SLC12A6: variants seen among roughly 807,000 people sequenced by gnomAD.
SLC12A6 encodes the protein K-Cl cotransporter 3.
Under a neutral mutation model 135.3 loss-of-function variants are expected in SLC12A6, and 66 were observed. That is an observed-to-expected ratio of 0.49 (90% confidence interval 0.40 to 0.60). The LOEUF is 0.60. Ranked by LOEUF, SLC12A6 falls within the 20% of genes least tolerant of loss-of-function variation. The probability of loss-of-function intolerance (pLI) is 0.00; values close to 1 mark genes in which losing one functional copy is unlikely to be tolerated. For synonymous variants in SLC12A6, 513 were observed against 508.8 expected, an observed-to-expected ratio of 1.01 and a Z score of -0.11; for missense variants, 1,058 against 1,452.3, an observed-to-expected ratio of 0.73 and a Z score of 4.41.
intron 16 of SLC12A6, 71 bp downstream of exon 16, chr15:34,243,903 C>G (rs1891813306): frequency 1.1e-6 from 1 of 931,766 alleles, no homozygotes; most frequent in Non-Finnish European, 1.8e-6. Context: ...AACCCAGACT[C>G]TCCTAGTTTT....
At chr15:34,327,328 A>G (rs1340136412) in intron 2 of SLC12A6, among the ~76,000 whole-genome samples, 3 of 152,186 alleles carry the variant, frequency 2.0e-5, no homozygotes, top group Admixed American at 2.0e-4. Context: ...TTTGCATCTT[A>G]GGATGTAAAT....
At position 34,336,698 on chromosome 15, in the gene SLC12A6, C is replaced by A; in HGVS notation, c.-18G>T. On this transcript the variant is annotated 5_prime_UTR_variant, in exon 2 of 26. Coordinates refer to ENST00000354181, the MANE Select transcript of SLC12A6 (RefSeq NM_001365088.1). ...GGATGCATTTTGTTCTTTTTAAGAA[C>A]AAAAAAAGTGGGGGGAACCTCGCAA... The A allele has an allele frequency of 6.2e-7, 1 of 1,612,762 alleles. No individual in the cohort carries two copies. Among genetic ancestry groups the A allele is most frequent in the Non-Finnish European group, 8.5e-7 (1 of 1,178,918 alleles).
At chr15:34,273,439 A>G (rs772797165) in intron 3 of SLC12A6, among the ~76,000 whole-genome samples, 8 of 152,232 alleles carry the variant, frequency 5.3e-5, no homozygotes, top group Non-Finnish European at 8.8e-5. Flanking sequence ...ATGTCAAACC[A>G]TTTACTTAAC....
intron 2 of SLC12A6, among the ~76,000 whole-genome samples, chr15:34,330,140 G>C (rs1889739662): frequency 6.6e-6 from 1 of 152,004 alleles, no homozygotes; most frequent in South Asian, 2.1e-4. Context: ...ATGCACATCA[G>C]AATCCAAACC....
At chr15:34,284,229 G>A (rs1193041847) in intron 2 of SLC12A6, among the ~76,000 whole-genome samples, 9 of 151,628 alleles carry the variant, frequency 5.9e-5, no homozygotes, top group African/African-American at 2.2e-4. Flanking sequence ...GAGAGCTCAC[G>A]GGCTAGTCTT....
intron 3 of SLC12A6, among the ~76,000 whole-genome samples, chr15:34,261,273 G>A (rs765939449): frequency 2.6e-5 from 4 of 151,982 alleles, no homozygotes; most frequent in African/African-American, 7.2e-5. Context: ...CCCTAGAGAC[G>A]CTATTCTTTT....
chr15:34,331,160 T>C (rs1889818722), intron 2 of SLC12A6, among the ~76,000 whole-genome samples: 1 of 152,230 alleles, frequency 6.6e-6, no homozygotes, highest in African/African-American at 2.4e-5. Context: ...TGTTAGGTTT[T>C]GTTTGTCAGG....
intron 2 of SLC12A6, among the ~76,000 whole-genome samples, chr15:34,321,550 T>G (rs956478083): frequency 5.3e-5 from 8 of 152,204 alleles, no homozygotes; most frequent in African/African-American, 1.9e-4. Flanking sequence ...GGGGTATAAA[T>G]TAGTACAACC....
At chr15:34,329,033 C>T (rs1323278663) in intron 2 of SLC12A6, among the ~76,000 whole-genome samples, 1 of 152,194 alleles carries the variant, frequency 6.6e-6, no homozygotes, top group African/African-American at 2.4e-5. Context: ...CATTCAAATG[C>T]TCACATAATT....
rs1223657350 is a variant in SLC12A6 at position 34,245,700 on chromosome 15, A to C, written c.1817T>G (p.Phe606Cys). The C allele has an allele frequency of 1.2e-6, 2 of 1,613,176 alleles. No individual in the cohort carries two copies. Among genetic ancestry groups the C allele is most frequent in the Admixed American group, 3.3e-5 (2 of 59,990 alleles). The change falls in exon 14 of 26, where the codon TTT (phenylalanine) becomes TGT (cysteine). Residue 606 changes from phenylalanine to cysteine, a missense_variant. Transcript: ENST00000354181. ...QAIAKDNIIP[F>C]LRVFGHSKAN... Reference sequence around the variant, plus strand: ...TAATAAAAGGTCACTCACCCTCAGAAACGGTATGATGTTATCCTTGGCAAT... The same window carrying C: ...TAATAAAAGGTCACTCACCCTCAGACACGGTATGATGTTATCCTTGGCAAT...
At position 34,240,689 on chromosome 15, in the gene SLC12A6, T is replaced by G; in HGVS notation, c.2408A>C (p.Asn803Thr). The G allele has an allele frequency of 6.2e-7, 1 of 1,614,066 alleles. No homozygotes were observed. The highest frequency in any genetic ancestry group is 8.5e-7 in the Non-Finnish European group (1 of 1,179,942). Residue 803 changes from asparagine to threonine, a missense_variant, in exon 19 of 26, where the codon AAC becomes ACC. This residue lies in a region of SLC12A6 where 31 missense variants were observed against 24.3 expected (regional missense o/e 1.28). Coordinates refer to ENST00000354181, the MANE Select transcript of SLC12A6 (RefSeq NM_001365088.1). Reference sequence around the variant, plus strand: ...CTCAGCAGCTAAAGCTTCACCGTAGTTCTCTAGGAAGTTCCCCACGATGAC... The same window carrying G: ...CTCAGCAGCTAAAGCTTCACCGTAGGTCTCTAGGAAGTTCCCCACGATGAC... ...GSVIVGNFLE[N>T]YGEALAAEQT... is the part of the protein sequence containing the mutation.
At chr15:34,297,130 CT>C (rs1325173806) in intron 2 of SLC12A6, among the ~76,000 whole-genome samples, 2 of 152,176 alleles carry the variant, frequency 1.3e-5, no homozygotes, top group Non-Finnish European at 2.9e-5. Context: ...GCTAGAATAT[CT>C]TTAAAATCTC....
intron 2 of SLC12A6, among the ~76,000 whole-genome samples, chr15:34,301,032 G>T (rs1367179609): frequency 4.6e-5 from 7 of 151,996 alleles, no homozygotes; most frequent in African/African-American, 9.7e-5. Flanking sequence ...GCAATGGCGC[G>T]ATCTCGGCTC....
In SLC12A6 at chr15:34,328,255, G is replaced by A. The variant is rs182527623; in HGVS notation, c.271+8155C>T. ...CAGCCGTTACATTTTTTTCAGTTAA[G>A]ACATCCAAAGGTAACTTCAAAACTT... is the stretch of plus-strand genomic sequence containing the variant. On this transcript the variant is annotated intron_variant, in intron 2 of 25. Coordinates refer to ENST00000354181, the MANE Select transcript of SLC12A6 (RefSeq NM_001365088.1). 2.2e-4 allele frequency among the ~76,000 whole-genome samples: 34 copies of A among 152,056 alleles called. 1 individual carries two copies. In the East Asian group the frequency reaches 5.8e-3, roughly 26 times the overall value.
intron 19 of SLC12A6, 84 bp from the exon 20 acceptor site, chr15:34,239,244 C>T: frequency 9.8e-7 from 1 of 1,018,924 alleles, no homozygotes; most frequent in East Asian, 2.4e-5. Context: ...TTATATCCCC[C>T]ACCTTTTTCC....
intron 2 of SLC12A6, among the ~76,000 whole-genome samples, chr15:34,299,809 C>T (rs1896118566): frequency 6.6e-6 from 1 of 152,010 alleles, no homozygotes; most frequent in Non-Finnish European, 1.5e-5. Flanking sequence ...GTACATGTAC[C>T]TGCTAAGCAG....
intron 7 of SLC12A6, 27 bp downstream of exon 7, chr15:34,256,202 C>G: frequency 6.8e-7 from 1 of 1,464,672 alleles, no homozygotes; most frequent in South Asian, 1.1e-5. Context: ...ACTGATAAAT[C>G]CTGAAATACA....
intron 9 of SLC12A6, among the ~76,000 whole-genome samples, chr15:34,253,818 CA>C (rs1892555485): frequency 6.6e-6 from 1 of 152,106 alleles, no homozygotes; most frequent in Non-Finnish European, 1.5e-5. Context: ...ATTACTACTT[CA>C]AAAAACATAC....
chr15:34,238,625 A>G (rs1422162864), intron 20 of SLC12A6: 2 of 605,780 alleles, frequency 3.3e-6, no homozygotes, highest in East Asian at 2.8e-5. Flanking sequence ...CCATTACTAC[A>G]TTTCTAAGGG....
Sources: allele counts gnomAD v4.1 joint callset (sites outside exome capture counted in the v4.1 genomes callset), GRCh38; gene constraint gnomAD v4.1.1; regional missense constraint gnomAD v4.1.1; transcripts MANE v1.5; gene names NCBI Gene and HGNC (gene_info 2026-07-23, HGNC 2026-07-21).